The following DLST variants were observed in gnomAD, a reference collection of about 807,000 sequenced individuals.
DLST encodes dihydrolipoyllysine-residue succinyltransferase component of 2-oxoglutarate dehydrogenase complex, mitochondrial.
In DLST, 17 loss-of-function variants were observed where a neutral mutation model predicts 53.1. The ratio of observed to expected loss-of-function variants is 0.32; its 90% CI spans 0.22 to 0.48. The LOEUF (loss-of-function observed/expected upper bound fraction) is 0.48. Ranked by LOEUF, DLST falls within the 20% of genes least tolerant of loss-of-function variation. The pLI is 0.99. For missense variants in DLST, 512 were observed against 583.9 expected (o/e 0.88, Z 1.27); for synonymous variants, 206 against 204.8 (o/e 1.01, Z -0.05).
chr14:74,892,930 T>C lies in DLST; in HGVS notation c.539T>C (p.Ile180Thr). Residue 180 changes from isoleucine to threonine, a missense_variant, in exon 8 of 15, where the codon ATA becomes ACA. Transcript: ENST00000334220. ...AAAVPPPAAP[I>T]PTQMPPVPSP... is the part of the protein sequence containing the mutation. ...GCAGTTCCTCCCCCTGCAGCACCCATACCCACTCAGATGCCACCGGTGCCC... is the reference window on the plus strand; with the variant it reads ...GCAGTTCCTCCCCCTGCAGCACCCACACCCACTCAGATGCCACCGGTGCCC... 6.2e-7 allele frequency: 1 copy of C among 1,614,098 alleles called. No homozygotes were observed. The highest frequency in any genetic ancestry group is 1.1e-5 in the South Asian group (1 of 91,074).
At chr14:74,883,023 G>T (rs1883582981) in intron 2 of DLST, among the ~76,000 whole-genome samples, 2 of 152,230 alleles carry the variant, frequency 1.3e-5, no homozygotes, top group Admixed American at 1.3e-4. Flanking sequence ...GGCCGGGCGC[G>T]GTGGCTGACG....
At chr14:74,888,155 G>T (rs998716573) in intron 3 of DLST, among the ~76,000 whole-genome samples, 2 of 152,074 alleles carry the variant, frequency 1.3e-5, no homozygotes, top group African/African-American at 4.8e-5. Context: ...ATCAGTAAAC[G>T]CCTTGGTCTT....
intron 8 of DLST, 87 bp from the exon 9 acceptor site, chr14:74,893,261 G>C (rs541342517): frequency 2.2e-5 from 31 of 1,431,696 alleles, no homozygotes; most frequent in Middle Eastern, 3.5e-4. Context: ...TGAAGATTAA[G>C]TAACAGTACA....
At chr14:74,900,187 A>G in intron 12 of DLST, 102 bp from the exon 13 acceptor site, 1 of 1,153,072 alleles carries the variant, frequency 8.7e-7, no homozygotes, top group Admixed American at 1.7e-5. Context: ...TGAGTAATGA[A>G]GGTATTCTAG....
intron 3 of DLST, among the ~76,000 whole-genome samples, chr14:74,886,242 C>T (rs1407853022): frequency 6.6e-6 from 1 of 152,210 alleles, no homozygotes; most frequent in Non-Finnish European, 1.5e-5. Context: ...CAGCAGCTGT[C>T]AGGCTGCTTA....
At chr14:74,902,172 C>G (rs1216017179) in intron 14 of DLST, 24 bp from the exon 15 acceptor site, 2 of 1,533,956 alleles carry the variant, frequency 1.3e-6, no homozygotes, top group Admixed American at 3.9e-5. Flanking sequence ...TGGAGACAAA[C>G]CTATTTACCT....
chr14:74,886,163 C>T, intron 3 of DLST: 1 of 155,150 alleles, frequency 6.4e-6, no homozygotes, highest in Non-Finnish European at 1.4e-5. Context: ...ATGAATGTTG[C>T]TTAAATGCTG....
Position 74,881,917 on chromosome 14 carries a change from T to C in DLST, c.-37T>C, listed in dbSNP as rs780704488. On this transcript the variant is annotated 5_prime_UTR_variant, in exon 1 of 15. Coordinates refer to ENST00000334220, the MANE Select transcript of DLST (RefSeq NM_001933.5). ...CACTTCCGGTTGTTGTCCGGCCCTATATCCGGTGTCCGCCCGCCCTCGGCT... is the reference window on the plus strand; with the variant it reads ...CACTTCCGGTTGTTGTCCGGCCCTACATCCGGTGTCCGCCCGCCCTCGGCT... 31 of 1,511,226 alleles carry C rather than the reference T, an allele frequency of 2.1e-5. No individual in the cohort carries two copies. Among genetic ancestry groups the C allele is most frequent in the Non-Finnish European group, 2.6e-5 (30 of 1,134,572 alleles). The allele number at this position is 1,511,226 out of a possible 1,614,324, so 93.6% of individuals were successfully genotyped here. A position where few individuals can be genotyped will look rare whatever the true frequency, so the allele number is the denominator to read the frequency against.
At position 74,892,963 on chromosome 14, in the gene DLST, C is replaced by T. The variant is rs1375782510; in HGVS notation, c.572C>T (p.Ser191Leu). ...PTQMPPVPSP[S>L]QPPSGKPVSA... ...CAGATGCCACCGGTGCCCTCGCCCTCACAGCCTCCTTCTGGCAAACCTGGT... is the reference window on the plus strand; with the variant it reads ...CAGATGCCACCGGTGCCCTCGCCCTTACAGCCTCCTTCTGGCAAACCTGGT... Residue 191 changes from serine (S) to leucine (L), a missense_variant, in exon 8 of 15, where the codon TCA becomes TTA. Physicochemically the swap from Ser to Leu is moderately radical, Grantham distance 145. This residue lies in a region of DLST where 162 missense variants were observed against 162.0 expected (regional missense o/e 1.00). Transcript: ENST00000334220. 13 of 1,613,212 alleles carry T rather than the reference C, an allele frequency of 8.1e-6. No individual in the cohort carries two copies. The highest frequency in any genetic ancestry group is 1.1e-5 in the Non-Finnish European group (13 of 1,179,716).
chr14:74,899,191 T>C (rs1286627791), intron 11 of DLST, among the ~76,000 whole-genome samples: 1 of 152,042 alleles, frequency 6.6e-6, no homozygotes, highest in Admixed American at 6.6e-5. Flanking sequence ...TGTATACCTC[T>C]TCTTTTTCCC....
At chr14:74,889,819 A>C (rs1255567954) in intron 5 of DLST, 78 bp from the exon 6 acceptor site, 1 of 1,446,888 alleles carries the variant, frequency 6.9e-7, no homozygotes, top group Non-Finnish European at 9.7e-7. Flanking sequence ...CTTATAACAT[A>C]CCTGCCAAAA....
chr14:74,892,435 TTAAAA>T (rs1302979774), intron 7 of DLST, among the ~76,000 whole-genome samples: 17 of 152,220 alleles, frequency 1.1e-4, no homozygotes, highest in African/African-American at 4.1e-4. Context: ...ATATATAATG[TTAAAA>T]TAGAGGATGA....
chr14:74,890,984 G>T, intron 6 of DLST, 72 bp from the exon 7 acceptor site: 1 of 1,545,186 alleles, frequency 6.5e-7, no homozygotes. Context: ...GGCTTCATTG[G>T]AGATTCTATA....
intron 10 of DLST, among the ~76,000 whole-genome samples, chr14:74,895,132 T>G (rs1177771279): frequency 1.3e-5 from 2 of 152,070 alleles, no homozygotes; most frequent in African/African-American, 4.8e-5. Context: ...GGGGCTGAGA[T>G]GGGAGGATTG....
At position 74,885,923 on chromosome 14, in the gene DLST, C is replaced by T. The variant is rs189365139; in HGVS notation, c.146+289C>T. The T allele has an allele frequency of 3.7e-3, 1,145 of 305,608 alleles. 37 individuals carry two copies. The Admixed American group carries it at 0.046, about 12-fold the overall frequency. The allele number at this position is 305,608 out of a possible 1,614,324, so 18.9% of individuals were successfully genotyped here. On this transcript the variant is annotated intron_variant, in intron 3 of 14. Transcript: ENST00000334220. ...TTTTTATGGGATATAGAAGGGTGCT[C>T]CTAGATATTCTGTTTGGATGTAAGT...
rs1303697627 is a variant in DLST, at chr14:74,892,882, C to T, written c.491C>T (p.Pro164Leu). 1 of 1,613,896 alleles carries T rather than the reference C, an allele frequency of 6.2e-7. No individual in the cohort carries two copies. Among genetic ancestry groups the T allele is most frequent in the African/African-American group, 1.3e-5 (1 of 74,906 alleles). Residue 164 changes from proline to leucine, a missense_variant, in exon 8 of 15, where the codon CCA becomes CTA. Around this residue, in one of 4 missense-constraint regions of DLST, gnomAD observed 162 missense variants for 162.0 expected, o/e 1.00. Transcript: ENST00000334220. ...KPAEAPAAAA[P>L]KAEPTAAAVP... Reference sequence around the variant, plus strand: ...GCTGAAGCTCCTGCTGCTGCAGCCCCAAAAGCAGAACCTACAGCAGCGGCA... The same window carrying T: ...GCTGAAGCTCCTGCTGCTGCAGCCCTAAAAGCAGAACCTACAGCAGCGGCA...
intron 12 of DLST, 88 bp from the exon 13 acceptor site, chr14:74,900,201 G>A (rs1360544115): frequency 4.0e-6 from 5 of 1,239,818 alleles, no homozygotes; most frequent in South Asian, 3.6e-5. Context: ...ATTCTAGGGA[G>A]GGCATACCAT....
chr14:74,889,971 C>G lies in DLST; in HGVS notation c.330+19C>G. 1.2e-6 allele frequency: 2 copies of G among 1,610,430 alleles called. No individual in the cohort carries two copies. Among genetic ancestry groups the G allele is most frequent in the Non-Finnish European group, 1.7e-6 (2 of 1,177,984 alleles). On this transcript the variant is annotated intron_variant, in intron 6 of 14. Transcript: ENST00000334220. ...TGACAAGGTAGGCTTATCTTATATT[C>G]GTACCAGCTTTTCATGGGCTTCCCT... is the stretch of plus-strand genomic sequence containing the variant.
intron 5 of DLST, chr14:74,889,641 G>C (rs1210653560): frequency 1.8e-6 from 1 of 548,928 alleles, no homozygotes; most frequent in African/African-American, 1.9e-5. Flanking sequence ...ACAAAGTGTT[G>C]GGATTACAGG....
Sources: allele counts gnomAD v4.1 joint callset (sites outside exome capture counted in the v4.1 genomes callset), GRCh38; gene constraint gnomAD v4.1.1; regional missense constraint gnomAD v4.1.1; transcripts MANE v1.5; gene names NCBI Gene and HGNC (gene_info 2026-07-23, HGNC 2026-07-21).